Variants in SENP1 observed in about 807,000 individuals in gnomAD.
SENP1 encodes the protein SUMO specific peptidase 1, also known as sentrin-specific protease 1.
In SENP1, 21 loss-of-function variants were observed where a neutral mutation model predicts 93.0. The ratio of observed to expected loss-of-function variants is 0.23; its 90% CI spans 0.16 to 0.33. The LOEUF (loss-of-function observed/expected upper bound fraction) is 0.33, where lower values mean the gene tolerates loss of function less well. Ranked by LOEUF, SENP1 falls within the 10% of genes least tolerant of loss-of-function variation. The probability of loss-of-function intolerance (pLI) is 1.00; values close to 1 mark genes in which losing one functional copy is unlikely to be tolerated. For synonymous variants in SENP1, 256 were observed against 259.6 expected, an observed-to-expected ratio of 0.99 and a Z score of 0.13; for missense variants, 591 against 758.7, an observed-to-expected ratio of 0.78 and a Z score of 2.60.
At chr12:48,073,392 T>C (rs1943847506) in intron 8 of SENP1, among the ~76,000 whole-genome samples, 1 of 150,958 alleles carries the variant, frequency 6.6e-6, no homozygotes, top group South Asian at 2.1e-4. Flanking sequence ...TAATCCTGAG[T>C]GAGAATTTTC....
In SENP1 at chr12:48,048,986, T is replaced by C; in HGVS notation, c.1554A>G (p.Val518=). The change falls in exon 14 of 18, where the codon GTA becomes GTG. Residue 518 remains valine (V), a synonymous_variant. Coordinates refer to ENST00000549518, the MANE Select transcript of SENP1 (RefSeq NM_001267594.2). ...AVKRWTKKVD[V]FSVDILLVPI... ...GCACCAAAAGAATGTCAACAGAAAA[T>C]ACATCTACTTTCTTTGTCCAACGTT... 1 of 1,613,742 alleles carries C rather than the reference T, an allele frequency of 6.2e-7. No homozygotes were observed. Among genetic ancestry groups the C allele is most frequent in the Non-Finnish European group, 8.5e-7 (1 of 1,179,738 alleles).
chr12:48,075,026 G>GT (rs894893893), intron 6 of SENP1, among the ~76,000 whole-genome samples: 1 of 151,748 alleles, frequency 6.6e-6, no homozygotes, highest in Non-Finnish European at 1.5e-5. Flanking sequence ...AGTCAACATA[G>GT]TGAGACCCCA....
At chr12:48,078,366 TAC>T (rs1944283803) in intron 6 of SENP1, among the ~76,000 whole-genome samples, 8 of 112,184 alleles carry the variant, frequency 7.1e-5, no homozygotes, top group South Asian at 3.2e-4. Flanking sequence ...CACACACACA[TAC>T]ACATATATAC....
At chr12:48,052,674 A>G (rs1046206155) in intron 13 of SENP1, among the ~76,000 whole-genome samples, 1 of 152,214 alleles carries the variant, frequency 6.6e-6, no homozygotes, top group Admixed American at 6.5e-5. Flanking sequence ...TTACATGCCA[A>G]TTCAAGGAAC....
At chr12:48,048,149 C>T (rs1941515091) in intron 14 of SENP1, 69 bp from the exon 15 acceptor site, 2 of 1,009,372 alleles carry the variant, frequency 2.0e-6, no homozygotes, top group African/African-American at 1.6e-5. Flanking sequence ...TTTTCCCTTC[C>T]CTGCCCTTTG....
At chr12:48,063,567 G>A (rs369422130) in intron 13 of SENP1, 143 bp downstream of exon 13, 16 of 703,778 alleles carry the variant, frequency 2.3e-5, no homozygotes, top group African/African-American at 1.4e-4. Flanking sequence ...CTCCCTCATA[G>A]TTACAAGAAT....
chr12:48,048,289 G>C lies in SENP1; in HGVS notation c.1612-209C>G, dbSNP rs566323463. 2.6e-5 allele frequency among the ~76,000 whole-genome samples: 4 copies of C among 152,304 alleles called. No individual in the cohort carries two copies. In the East Asian group the frequency reaches 7.7e-4, roughly 29 times the overall value. On this transcript the variant is annotated intron_variant, in intron 14 of 17. Transcript: ENST00000549518. ...AAAACTATGATGGCACTCATCAACA[G>C]GTGGCCCCATTATTGCTGTGAAGCC...
Position 48,045,451 on chromosome 12 carries a change from T to C in SENP1, c.1873-67A>G, listed in dbSNP as rs1387931225. 3.8e-6 allele frequency: 5 copies of C among 1,327,352 alleles called. No individual in the cohort carries two copies. The Admixed American group carries it at 8.6e-5, about 23-fold the overall frequency. 82.2% of individuals were successfully genotyped at this position (1,327,352 alleles called of 1,614,324 possible). ...TCTAGACCTGATACGCCTTTCCCCATACTTCTTTCTTTTGCAAGGTTTTCA... is the reference window on the plus strand; with the variant it reads ...TCTAGACCTGATACGCCTTTCCCCACACTTCTTTCTTTTGCAAGGTTTTCA... On this transcript the variant is annotated intron_variant, in intron 17 of 17. Coordinates refer to ENST00000549518, the MANE Select transcript of SENP1 (RefSeq NM_001267594.2).
chr12:48,085,335 C>T (rs1944782808), intron 5 of SENP1: 2 of 1,461,800 alleles, frequency 1.4e-6, no homozygotes, highest in Non-Finnish European at 1.9e-6. Context: ...CCTGGAGATC[C>T]CCTCCAAGGA....
At chr12:48,077,593 T>C (rs1180037171) in intron 6 of SENP1, among the ~76,000 whole-genome samples, 1 of 152,194 alleles carries the variant, frequency 6.6e-6, no homozygotes, top group Non-Finnish European at 1.5e-5. Context: ...CACTTTTTTT[T>C]TCGTCATACT....
chr12:48,098,002 C>A lies in SENP1; in HGVS notation c.127G>T (p.Asp43Tyr). The A allele has an allele frequency of 1.2e-6, 2 of 1,613,390 alleles. No homozygotes were observed. Among genetic ancestry groups the A allele is most frequent in the South Asian group, 2.2e-5 (2 of 90,944 alleles). The change falls in exon 3 of 18, where the codon GAC becomes TAC. Residue 43 changes from aspartate (D) to tyrosine (Y), a missense_variant. Around this residue, in one of 4 missense-constraint regions of SENP1, gnomAD observed 214 missense variants for 243.4 expected, o/e 0.88. Transcript: ENST00000549518. ...GFPEDQLSLS[D>Y]QQILSSRQGH... ...AGAAAATTGCTCCTAACCTGCTGGT[C>A]AGAAAGCGAAAGCTGGTCCTCTGGA...
intron 4 of SENP1, 61 bp downstream of exon 4, chr12:48,096,282 G>A (rs775181514): frequency 3.4e-5 from 30 of 879,454 alleles, no homozygotes; most frequent in South Asian, 7.8e-5. Flanking sequence ...AAACATAAAC[G>A]ATATGCTATC....
intron 6 of SENP1, among the ~76,000 whole-genome samples, chr12:48,078,998 T>A (rs1190947306): frequency 6.6e-6 from 1 of 152,016 alleles, no homozygotes; most frequent in African/African-American, 2.4e-5. Context: ...AAAAAATGTT[T>A]AAAAATTAGC....
chr12:48,088,699 G>T (rs1945041895), intron 5 of SENP1, 102 bp downstream of exon 5: 1 of 1,097,176 alleles, frequency 9.1e-7, no homozygotes, highest in Non-Finnish European at 1.3e-6. Flanking sequence ...TCCAAAAATG[G>T]TGTTACTCTT....
chr12:48,090,587 C>A (rs1427780542), intron 4 of SENP1, among the ~76,000 whole-genome samples: 1 of 152,118 alleles, frequency 6.6e-6, no homozygotes, highest in Non-Finnish European at 1.5e-5. Context: ...GAGGAAACTA[C>A]AGATACTGTT....
chr12:48,059,676 G>A (rs1483913706), intron 13 of SENP1, among the ~76,000 whole-genome samples: 2 of 152,068 alleles, frequency 1.3e-5, no homozygotes. Context: ...GCTGGGCCTT[G>A]TTGTTGATGG....
At chr12:48,098,865 A>G (rs976167231) in intron 2 of SENP1, among the ~76,000 whole-genome samples, 1 of 152,080 alleles carries the variant, frequency 6.6e-6, no homozygotes. Flanking sequence ...ACTCTGCAAT[A>G]AAATAAAATC....
chr12:48,081,781 G>T (rs551145831), intron 6 of SENP1, among the ~76,000 whole-genome samples: 33 of 151,882 alleles, frequency 2.2e-4, no homozygotes, highest in Non-Finnish European at 3.8e-4. Context: ...GCCTAGGCTG[G>T]TCTCAAACTC....
At chr12:48,046,922 T>G (rs888846660) in intron 16 of SENP1, 56 bp downstream of exon 16, 3 of 1,184,808 alleles carry the variant, frequency 2.5e-6, no homozygotes, top group Non-Finnish European at 3.7e-6. Context: ...AGTAAAATTC[T>G]TTCCTCCCCA....
Sources: allele counts gnomAD v4.1 joint callset (sites outside exome capture counted in the v4.1 genomes callset), GRCh38; gene constraint gnomAD v4.1.1; regional missense constraint gnomAD v4.1.1; transcripts MANE v1.5; gene names NCBI Gene and HGNC (gene_info 2026-07-23, HGNC 2026-07-21).